The following NKAIN3 variants were observed in gnomAD, a reference collection of about 807,000 sequenced individuals.
NKAIN3 encodes the protein sodium/potassium-transporting ATPase subunit beta-1-interacting protein 3.
NKAIN3 carries 25 observed loss-of-function variants against 30.2 expected under a neutral mutation model. The observed-to-expected ratio is 0.83, with a 90% CI of 0.60 to 1.16. The LOEUF (loss-of-function observed/expected upper bound fraction) is 1.16. NKAIN3 is among the 50% of genes most tolerant of loss of function. NKAIN3 has a pLI of 0.00. For missense variants in NKAIN3, 225 were observed against 254.1 expected (o/e 0.89, Z 0.78); for synonymous variants, 91 against 89.6 (o/e 1.02, Z -0.09).
chr8:62,641,316 A>G (rs960675420), intron 3 of NKAIN3, among the ~76,000 whole-genome samples: 1 of 152,194 alleles, frequency 6.6e-6, no homozygotes, highest in African/African-American at 2.4e-5. Flanking sequence ...ATAAATAAAG[A>G]CACACTCTAT....
At chr8:62,618,533 T>A (rs77877209) in intron 3 of NKAIN3, among the ~76,000 whole-genome samples, 2 of 148,982 alleles carry the variant, frequency 1.3e-5, no homozygotes, top group Middle Eastern at 3.4e-3. Context: ...TTGTGGTGGC[T>A]TTTTTTTTTC....
intron 1 of NKAIN3, among the ~76,000 whole-genome samples, chr8:62,356,041 C>T (rs1036677058): frequency 1.7e-4 from 26 of 152,118 alleles, no homozygotes; most frequent in Non-Finnish European, 3.5e-4. Context: ...ATAACCCTAG[C>T]GAGTAATCCT....
chr8:62,462,254 C>G (rs1171892199), intron 1 of NKAIN3, among the ~76,000 whole-genome samples: 2 of 152,020 alleles, frequency 1.3e-5, no homozygotes, highest in Non-Finnish European at 2.9e-5. Flanking sequence ...AGGCATAAGA[C>G]CACCAACTCA....
intron 4 of NKAIN3, among the ~76,000 whole-genome samples, chr8:62,842,526 A>C (rs1251933037): frequency 6.6e-6 from 1 of 152,138 alleles, no homozygotes; most frequent in African/African-American, 2.4e-5. Context: ...AATTCTGTGG[A>C]ACCACAATAC....
At chr8:62,880,586 T>A (rs888858171) in intron 4 of NKAIN3, among the ~76,000 whole-genome samples, 1 of 152,334 alleles carries the variant, frequency 6.6e-6, no homozygotes, top group African/African-American at 2.4e-5. Context: ...TTAAGTAGAT[T>A]GATCTTTTTC....
chr8:62,316,225 G>A (rs1292330740), intron 1 of NKAIN3, among the ~76,000 whole-genome samples: 1 of 152,038 alleles, frequency 6.6e-6, no homozygotes, highest in Non-Finnish European at 1.5e-5. Flanking sequence ...TGTCTTTATT[G>A]GCAGCATGAA....
At chr8:62,862,903 AT>A (rs2130789935) in intron 4 of NKAIN3, among the ~76,000 whole-genome samples, 1 of 152,226 alleles carries the variant, frequency 6.6e-6, no homozygotes, top group South Asian at 2.1e-4. Context: ...AAAATGGTTT[AT>A]TTTTCCACAG....
intron 4 of NKAIN3, among the ~76,000 whole-genome samples, chr8:62,894,113 G>A (rs1435870560): frequency 6.6e-6 from 1 of 152,110 alleles, no homozygotes; most frequent in Non-Finnish European, 1.5e-5. Context: ...TCATAAATAT[G>A]AATTTCAAAT....
At chr8:62,826,937 G>A (rs553649480) in intron 4 of NKAIN3, among the ~76,000 whole-genome samples, 14 of 152,212 alleles carry the variant, frequency 9.2e-5, no homozygotes, top group East Asian at 7.7e-4. Context: ...TTATCAGAAC[G>A]GGCTATCAAG....
At chr8:62,344,885 G>T in intron 1 of NKAIN3, 1 of 423,864 alleles carries the variant, frequency 2.4e-6, no homozygotes, top group South Asian at 1.8e-5. Flanking sequence ...TAAATTGTTA[G>T]ATAACTTTGA....
intron 1 of NKAIN3, among the ~76,000 whole-genome samples, chr8:62,454,301 C>CAAAAAAGAAAAAAAAAAAAAAA (rs1805742531): frequency 1.8e-5 from 1 of 56,152 alleles, no homozygotes; most frequent in Non-Finnish European, 3.8e-5. Flanking sequence ...AGCTGATGTG[C>CAAAAAAGAAAAAAAAAAAAAAA]AAAAAAAAAA....
At chr8:62,600,397 G>A (rs955668168) in intron 3 of NKAIN3, among the ~76,000 whole-genome samples, 10 of 151,960 alleles carry the variant, frequency 6.6e-5, no homozygotes, top group African/African-American at 2.4e-4. Context: ...AACTCTTACT[G>A]GTTTCCTACA....
chr8:62,674,521 TG>T (rs1813410694), intron 3 of NKAIN3, among the ~76,000 whole-genome samples: 1 of 152,176 alleles, frequency 6.6e-6, no homozygotes, highest in South Asian at 2.1e-4. Context: ...TGCTTGGGGA[TG>T]GGGGCGAGAG....
chr8:62,647,538 G>T (rs534562267), intron 3 of NKAIN3, among the ~76,000 whole-genome samples: 3 of 152,258 alleles, frequency 2.0e-5, no homozygotes, highest in Admixed American at 2.0e-4. Flanking sequence ...CTAGGAAAGG[G>T]GTGGGGATCC....
At chr8:62,873,970 T>C (rs1820720470) in intron 4 of NKAIN3, among the ~76,000 whole-genome samples, 2 of 150,300 alleles carry the variant, frequency 1.3e-5, no homozygotes, top group South Asian at 4.2e-4. Flanking sequence ...CAGACAACAA[T>C]CAATAACTAA....
At chr8:62,560,785 C>A (rs1809548221) in intron 1 of NKAIN3, among the ~76,000 whole-genome samples, 1 of 151,972 alleles carries the variant, frequency 6.6e-6, no homozygotes, top group African/African-American at 2.4e-5. Context: ...AGGTAATACA[C>A]CCGTCTCGGC....
intron 3 of NKAIN3, among the ~76,000 whole-genome samples, chr8:62,710,867 T>C (rs1258577593): frequency 6.6e-6 from 1 of 152,210 alleles, no homozygotes; most frequent in Non-Finnish European, 1.5e-5. Context: ...AGGTTCTGTT[T>C]TGATGTGTTT....
intron 4 of NKAIN3, among the ~76,000 whole-genome samples, chr8:62,835,672 T>A (rs967017023): frequency 6.6e-6 from 1 of 152,018 alleles, no homozygotes; most frequent in Non-Finnish European, 1.5e-5. Context: ...ATGGCTATTA[T>A]TAGGAAGTCA....
chr8:62,317,239 A>G (rs1443184606), intron 1 of NKAIN3, among the ~76,000 whole-genome samples: 1 of 152,144 alleles, frequency 6.6e-6, no homozygotes, highest in African/African-American at 2.4e-5. Context: ...GTTCACTCTT[A>G]TAGTAGTTTC....
Sources: allele counts gnomAD v4.1 joint callset (sites outside exome capture counted in the v4.1 genomes callset), GRCh38; gene constraint gnomAD v4.1.1; transcripts MANE v1.5; gene names NCBI Gene and HGNC (gene_info 2026-07-23, HGNC 2026-07-21).